KIF21B: variants seen among roughly 807,000 people sequenced by gnomAD.
KIF21B encodes the protein kinesin family member 21B.
A neutral mutation model predicts 192.9 loss-of-function variants in KIF21B; 85 were observed. That is an observed-to-expected ratio of 0.44 (90% confidence interval 0.37 to 0.53). The LOEUF is 0.53. Among genes scored for constraint, KIF21B ranks in the 20% least tolerant of loss-of-function variants. The probability of loss-of-function intolerance (pLI) is 0.00; values close to 1 mark genes in which losing one functional copy is unlikely to be tolerated. For synonymous variants in KIF21B, 832 were observed against 884.6 expected (o/e 0.94, Z 1.05); for missense variants, 1,716 against 2,194.8 (o/e 0.78, Z 4.36).
Position 200,982,754 on chromosome 1 carries a change from T to G in KIF21B, c.3842+302A>C, listed in dbSNP as rs1306684732. ...CAGCCCAGCATCCCCTAGGCCTCCA[T>G]GCTGCGCCCCTCCCTGCCCAGGTGA... On this transcript the variant is annotated intron_variant, in intron 28 of 34. Coordinates refer to ENST00000461742, the MANE Select transcript of KIF21B (RefSeq NM_001252102.2). The surrounding 1 kb of genome is among the most constrained non-coding windows in gnomAD (Gnocchi z 4.7). Among the ~76,000 whole-genome samples the G allele has an allele frequency of 6.6e-6, 1 of 152,108 alleles. No homozygotes were observed. Among genetic ancestry groups the G allele is most frequent in the African/African-American group, 2.4e-5 (1 of 41,422 alleles).
rs1411677647 is a variant in KIF21B, at chr1:200,990,671, G to C, written c.2740C>G (p.Leu914Val). The C allele has an allele frequency of 1.9e-6, 3 of 1,614,036 alleles. No individual in the cohort carries two copies. The highest frequency in any genetic ancestry group is 8.5e-7 in the Non-Finnish European group (1 of 1,180,028). Residue 914 changes from leucine (L) to valine (V), a missense_variant, in exon 19 of 35, where the codon CTC (leucine) becomes GTC (valine). Around this residue, in one of 3 missense-constraint regions of KIF21B, gnomAD observed 1,087 missense variants for 1,316.6 expected, o/e 0.83. Transcript: ENST00000461742. This position sits in a 1 kb window ranked among gnomAD's most constrained non-coding sequence, Gnocchi z 5.4. Reference protein sequence around the residue: ...ASQSFSKAARLKWQSLERRII... With the variant: ...ASQSFSKAARVKWQSLERRII... ...CGTCGCTCCAGGGACTGCCACTTGA[G>C]CCTTGCCGCCTTACTGAAGCTCTGG...
intron 27 of KIF21B, 85 bp from the exon 28 acceptor site, chr1:200,983,179 T>C: frequency 8.6e-7 from 1 of 1,169,392 alleles, no homozygotes; most frequent in Non-Finnish European, 1.2e-6. Context: ...GTGTGTGGGG[T>C]GGTCAGAGGG....
chr1:200,997,202 C>T (rs766098822), intron 14 of KIF21B, among the ~76,000 whole-genome samples: 2 of 152,140 alleles, frequency 1.3e-5, no homozygotes, highest in African/African-American at 4.8e-5. Flanking sequence ...CCACACATCC[C>T]GTCTCCCTCA....
At chr1:201,003,153 G>C (rs1657596010) in intron 8 of KIF21B, 1 of 198,410 alleles carries the variant, frequency 5.0e-6, no homozygotes, top group Admixed American at 5.3e-5. Context: ...ATGCAAGTAA[G>C]GCCAACTCTC....
At chr1:200,991,260 T>C in intron 17 of KIF21B, 111 bp from the exon 18 acceptor site, 1 of 834,242 alleles carries the variant, frequency 1.2e-6, no homozygotes, top group Admixed American at 2.5e-5. Context: ...TGCTCTGTGC[T>C]GGCCTGGGCT....
rs60825961 is a variant in KIF21B at position 200,986,363 on chromosome 1, C to CTT, written c.3689+479_3689+480dup. 2.1e-3 allele frequency among the ~76,000 whole-genome samples: 289 copies of CTT among 138,934 alleles called. 3 individuals carry two copies. The highest frequency in any genetic ancestry group is 1.6e-3 in the Non-Finnish European group (105 of 64,416). The allele number at this position is 138,934 out of a possible 152,430, so 91.1% of individuals were successfully genotyped here. A position where few individuals can be genotyped will look rare whatever the true frequency, so the allele number is the denominator to read the frequency against. ...AGAAATTACATTTCCTTTTTTTTTTCTTTTTTTTTTTTGAGACAGAGTCTC... is the reference window on the plus strand; with the variant it reads ...AGAAATTACATTTCCTTTTTTTTTTCTTTTTTTTTTTTTTGAGACAGAGTCTC... On this transcript the variant is annotated intron_variant, in intron 26 of 34. Coordinates refer to ENST00000461742, the MANE Select transcript of KIF21B (RefSeq NM_001252102.2).
At chr1:201,004,215 C>T (rs535965755) in intron 7 of KIF21B, 125 bp downstream of exon 7, 9 of 758,340 alleles carry the variant, frequency 1.2e-5, no homozygotes, top group Non-Finnish European at 2.0e-5. Context: ...ACCTCCTAAA[C>T]CTGCAGCCTA....
rs1439780747 is a variant in KIF21B, at chr1:201,000,065, A to C, written c.1686-101T>G. The C allele has an allele frequency of 1.9e-6, 2 of 1,056,340 alleles. No homozygotes were observed. The highest frequency in any genetic ancestry group is 1.8e-5 in the Admixed American group (1 of 55,910). The allele number at this position is 1,056,340 out of a possible 1,614,324, so 65.4% of individuals were successfully genotyped here. A position where few individuals can be genotyped will look rare whatever the true frequency, so the allele number is the denominator to read the frequency against. On this transcript the variant is annotated intron_variant, in intron 11 of 34. Coordinates refer to ENST00000461742, the MANE Select transcript of KIF21B (RefSeq NM_001252102.2). This position sits in a 1 kb window ranked among gnomAD's most constrained non-coding sequence, Gnocchi z 6.0. Reference sequence around the variant, plus strand: ...GGCAGAAAAGGAAGGCTCTCACCAGAGGCCGGGGAGAGCACTGGCTCCTAC... The same window carrying C: ...GGCAGAAAAGGAAGGCTCTCACCAGCGGCCGGGGAGAGCACTGGCTCCTAC...
At chr1:200,983,575 C>T (rs745522048) in intron 27 of KIF21B, among the ~76,000 whole-genome samples, 2 of 152,164 alleles carry the variant, frequency 1.3e-5, no homozygotes, top group Non-Finnish European at 2.9e-5. Context: ...TTACAAAGCC[C>T]ACTATCCCTA....
rs1655142027 is a variant in KIF21B, at chr1:200,970,093, G to C, written c.*3428C>G. The C allele has an allele frequency of 6.5e-6, 1 of 152,800 alleles. No homozygotes were observed. The highest frequency in any genetic ancestry group is 1.9e-4 in the East Asian group (1 of 5,344). The allele number at this position is 152,800 out of a possible 1,614,324, so 9.5% of individuals were successfully genotyped here. A position where few individuals can be genotyped will look rare whatever the true frequency, so the allele number is the denominator to read the frequency against. Reference sequence around the variant, plus strand: ...ACAGACCAGGCACAGGCAACAACCAGGGGATATGCCTGCTCCCAGCCCAGA... The same window carrying C: ...ACAGACCAGGCACAGGCAACAACCACGGGATATGCCTGCTCCCAGCCCAGA... On this transcript the variant is annotated 3_prime_UTR_variant, in exon 35 of 35. Coordinates refer to ENST00000461742, the MANE Select transcript of KIF21B (RefSeq NM_001252102.2).
intron 1 of KIF21B, among the ~76,000 whole-genome samples, chr1:201,019,095 C>T (rs1022614206): frequency 6.6e-5 from 10 of 152,066 alleles, no homozygotes; most frequent in Non-Finnish European, 2.9e-5. Flanking sequence ...CCACCATGTC[C>T]GTCTAATTTT....
chr1:200,985,414 G>A (rs1656216101), intron 26 of KIF21B, among the ~76,000 whole-genome samples: 1 of 152,272 alleles, frequency 6.6e-6, no homozygotes, highest in African/African-American at 2.4e-5. Flanking sequence ...CTTGAGCCTG[G>A]GAGGTGGAGA....
intron 1 of KIF21B, among the ~76,000 whole-genome samples, chr1:201,012,052 G>GATATAGAGGAGGAGACC (rs1658261531): frequency 6.6e-6 from 1 of 152,188 alleles, no homozygotes; most frequent in African/African-American, 2.4e-5. Flanking sequence ...TGGGGGAGAG[G>GATATAGAGGAGGAGACC]ATATAGAGGA....
Position 200,977,258 on chromosome 1 carries a change from G to A in KIF21B, c.4279C>T (p.Leu1427=). Residue 1427 remains leucine, a synonymous_variant, in exon 31 of 35, where the codon CTG becomes TTG. Transcript: ENST00000461742. Reference sequence around the variant, plus strand: ...ACGGCATTGCCCGAGGCGGCGTACAGCATGGTGCCCGAAGGGCTGAGGGCG... The same window carrying A: ...ACGGCATTGCCCGAGGCGGCGTACAACATGGTGCCCGAAGGGCTGAGGGCG... ...QIALSPSGTM[L]YAASGNAVRI... is the part of the protein sequence containing the mutation. The A allele has an allele frequency of 6.2e-7, 1 of 1,614,126 alleles. No homozygotes were observed. Among genetic ancestry groups the A allele is most frequent in the South Asian group, 1.1e-5 (1 of 91,080 alleles).
intron 34 of KIF21B, among the ~76,000 whole-genome samples, chr1:200,974,355 G>A (rs1025623610): frequency 6.6e-6 from 1 of 152,102 alleles, no homozygotes; most frequent in African/African-American, 2.4e-5. Flanking sequence ...CAGAGCGGGT[G>A]GGTGGGGTGT....
In KIF21B at chr1:200,975,258, CA is replaced by C. The variant is rs1655465893; in HGVS notation, c.4614+240del. ...CACATGCAAACCCAAGAGCTGAGAG[CA>C]AAGGCTTTGCTGAGAGCAGGTTGCC... On this transcript the variant is annotated intron_variant, in intron 33 of 34. Transcript: ENST00000461742. The surrounding 1 kb of genome is among the most constrained non-coding windows in gnomAD (Gnocchi z 4.3). Among the ~76,000 whole-genome samples the C allele has an allele frequency of 6.6e-6, 1 of 152,194 alleles. No homozygotes were observed. The highest frequency in any genetic ancestry group is 1.5e-5 in the Non-Finnish European group (1 of 68,032).
rs117423974 is a variant in KIF21B, at chr1:201,000,795, C to T, written c.1403-15G>A. 1.1e-4 allele frequency: 185 copies of T among 1,613,992 alleles called. No homozygotes were observed. The East Asian group carries it at 3.3e-3, about 28-fold the overall frequency. On this transcript the variant is annotated splice_polypyrimidine_tract_variant and intron_variant, in intron 9 of 34. Transcript: ENST00000461742. The surrounding 1 kb of genome is among the most constrained non-coding windows in gnomAD (Gnocchi z 6.0). ...ATTGCCATCGCCTGGAGTGGGACGG[C>T]GGGAAGAAGGGTGCGATAAAGAAGA...
Position 200,990,312 on chromosome 1 carries a change from G to C in KIF21B, c.2856C>G (p.Leu952=), listed in dbSNP as rs756606079. 3 of 1,611,948 alleles carry C rather than the reference G, an allele frequency of 1.9e-6. No individual in the cohort carries two copies. Among genetic ancestry groups the C allele is most frequent in the Middle Eastern group, 1.7e-4 (1 of 6,056 alleles). ...RLIKKREELF[L]LQEALRRKRE... ...GCTTCCTCCGCAGTGCCTCCTGCAG[G>C]AGGAACAGCTCCTCCCTTTTCTGGG... Residue 952 remains leucine (L), a synonymous_variant, in exon 20 of 35, where the codon CTC becomes CTG. Coordinates refer to ENST00000461742, the MANE Select transcript of KIF21B (RefSeq NM_001252102.2). The surrounding 1 kb of genome is among the most constrained non-coding windows in gnomAD (Gnocchi z 5.4).
chr1:201,016,475 C>T (rs1206525559), intron 1 of KIF21B, among the ~76,000 whole-genome samples: 1 of 152,206 alleles, frequency 6.6e-6, no homozygotes, highest in African/African-American at 2.4e-5. Flanking sequence ...GCCTCCTCTC[C>T]TCCTCCCCAT....
Sources: allele counts gnomAD v4.1 joint callset (sites outside exome capture counted in the v4.1 genomes callset), GRCh38; gene constraint gnomAD v4.1.1; regional missense constraint gnomAD v4.1.1; non-coding constraint Gnocchi (gnomAD v3.1); transcripts MANE v1.5; gene names NCBI Gene and HGNC (gene_info 2026-07-23, HGNC 2026-07-21).